NPM1: variants seen among roughly 807,000 people sequenced by gnomAD.
NPM1 encodes the protein nucleophosmin 1, also known as nucleophosmin.
Under a neutral mutation model 44.1 loss-of-function variants are expected in NPM1, and 1 was observed. That is an observed-to-expected ratio of 0.02 (90% confidence interval 0.01 to 0.11). The LOEUF is 0.11. Ranked by LOEUF, NPM1 falls within the 10% of genes least tolerant of loss-of-function variation. The probability of loss-of-function intolerance (pLI) is 1.00; values close to 1 mark genes in which losing one functional copy is unlikely to be tolerated. For synonymous variants in NPM1, 126 were observed against 111.8 expected, an observed-to-expected ratio of 1.13 and a Z score of -0.80; for missense variants, 197 against 347.8, an observed-to-expected ratio of 0.57 and a Z score of 3.45.
chr5:171,406,527 A>G, intron 9 of NPM1: 1 of 1,537,478 alleles, frequency 6.5e-7, no homozygotes, highest in Non-Finnish European at 8.7e-7. Flanking sequence ...TTTTAATCTC[A>G]ATCCCCTTTT....
chr5:171,393,109 A>G (rs903492615), intron 6 of NPM1, 131 bp downstream of exon 6: 6 of 1,186,374 alleles, frequency 5.1e-6, no homozygotes, highest in African/African-American at 1.6e-5. Context: ...GTTTATAATA[A>G]AAGGGCAGGT....
intron 6 of NPM1, among the ~76,000 whole-genome samples, chr5:171,393,807 A>G (rs1581242470): frequency 6.6e-6 from 1 of 152,342 alleles, no homozygotes; most frequent in Middle Eastern, 3.4e-3. Context: ...GGCAGAAAAC[A>G]GGAAAAAGGC....
At chr5:171,400,445 G>T (rs983687786) in intron 7 of NPM1, among the ~76,000 whole-genome samples, 1 of 149,356 alleles carries the variant, frequency 6.7e-6, no homozygotes, top group Non-Finnish European at 1.5e-5. Flanking sequence ...CCAAGTGGTT[G>T]CTGCTTTTTC....
intron 5 of NPM1, 29 bp downstream of exon 5, chr5:171,392,845 T>G: frequency 6.2e-7 from 1 of 1,613,370 alleles, no homozygotes; most frequent in Non-Finnish European, 8.5e-7. Flanking sequence ...TTATAGGTTT[T>G]GTATTATAGC....
chr5:171,397,227 G>T (rs1165918601), intron 6 of NPM1, among the ~76,000 whole-genome samples: 3 of 152,158 alleles, frequency 2.0e-5, no homozygotes, highest in Admixed American at 1.3e-4. Context: ...AGCATTATCA[G>T]TACTCCATTT....
chr5:171,388,550 T>C (rs1327012204), intron 1 of NPM1, among the ~76,000 whole-genome samples: 1 of 92,168 alleles, frequency 1.1e-5, no homozygotes, highest in Non-Finnish European at 2.0e-5. Flanking sequence ...CGGCGCGGCG[T>C]GAGGAGGCCG....
At chr5:171,391,642 TG>T in intron 3 of NPM1, 63 bp from the exon 4 acceptor site, 1 of 1,232,180 alleles carries the variant, frequency 8.1e-7, no homozygotes, top group Non-Finnish European at 1.2e-6. Context: ...CTTATGTGTT[TG>T]CCTGTAATGT....
chr5:171,393,005 T>C (rs371874978), intron 6 of NPM1, 27 bp downstream of exon 6: 54 of 1,601,168 alleles, frequency 3.4e-5, no homozygotes, highest in Non-Finnish European at 4.2e-5. Flanking sequence ...AAACTTGATA[T>C]ACTTCCGGAA....
intron 9 of NPM1, chr5:171,407,452 T>A: frequency 2.1e-6 from 1 of 483,566 alleles, no homozygotes; most frequent in Non-Finnish European, 3.6e-6. Flanking sequence ...AGCTTATATT[T>A]TATGTTCCTA....
intron 9 of NPM1, 47 bp from the exon 10 acceptor site, chr5:171,407,653 T>G: frequency 1.9e-6 from 2 of 1,037,098 alleles, no homozygotes; most frequent in Admixed American, 3.5e-5. Flanking sequence ...GGTATCTCTC[T>G]CGGTGTATTT....
chr5:171,405,436 C>A (rs1259863408), intron 9 of NPM1, 33 bp downstream of exon 9: 1 of 977,846 alleles, frequency 1.0e-6, no homozygotes, highest in Non-Finnish European at 1.6e-6. Flanking sequence ...AACTTTGTCT[C>A]CCCCCTCAAA....
chr5:171,394,713 C>T (rs945390988), intron 6 of NPM1, among the ~76,000 whole-genome samples: 17 of 152,104 alleles, frequency 1.1e-4, no homozygotes, highest in Non-Finnish European at 2.1e-4. Context: ...TGGTATGGTT[C>T]GGATTGGTTT....
intron 9 of NPM1, chr5:171,406,586 C>T: frequency 1.4e-6 from 2 of 1,410,656 alleles, no homozygotes; most frequent in African/African-American, 1.4e-5. Flanking sequence ...CTCTTGGTTC[C>T]CTAAAGCACT....
intron 6 of NPM1, among the ~76,000 whole-genome samples, chr5:171,394,817 G>A (rs899335311): frequency 3.3e-5 from 5 of 152,150 alleles, no homozygotes; most frequent in African/African-American, 1.2e-4. Flanking sequence ...TTCCAGAAAG[G>A]CTTTGGAGTA....
intron 1 of NPM1, among the ~76,000 whole-genome samples, chr5:171,388,989 T>C (rs1770429331): frequency 6.6e-6 from 1 of 152,232 alleles, no homozygotes; most frequent in Admixed American, 6.5e-5. Flanking sequence ...CCGCCATTTG[T>C]GCGGCATTGA....
intron 1 of NPM1, among the ~76,000 whole-genome samples, chr5:171,389,684 T>C (rs563332318): frequency 1.3e-5 from 2 of 152,204 alleles, no homozygotes; most frequent in Admixed American, 1.3e-4. Context: ...TTTGGGAATT[T>C]AGGTAGGTAA....
chr5:171,387,412 G>T (rs985543129), upstream of NPM1, among the ~76,000 whole-genome samples: 9 of 152,176 alleles, frequency 5.9e-5, no homozygotes, highest in Non-Finnish European at 1.2e-4. Context: ...AGGGGATGGG[G>T]AAAGGTGAAT....
chr5:171,387,525 CGGGAG>C, upstream of NPM1: 11 of 210,836 alleles, frequency 5.2e-5, no homozygotes, highest in South Asian at 5.1e-4. Context: ...AGACTCTTGG[CGGGAG>C]GCCGGCGCGC....
At chr5:171,395,963 ATTT>A (rs10709038) in intron 6 of NPM1, among the ~76,000 whole-genome samples, 5,306 of 140,142 alleles carry the variant, frequency 0.038, 339 homozygotes, top group African/African-American at 0.13. Context: ...GTAAAGCTGA[ATTT>A]TTTTTTTTTT....
Sources: allele counts gnomAD v4.1 joint callset (sites outside exome capture counted in the v4.1 genomes callset), GRCh38; gene constraint gnomAD v4.1.1; transcripts MANE v1.5; gene names NCBI Gene and HGNC (gene_info 2026-07-23, HGNC 2026-07-21).